The following KIRREL3 variants were observed in gnomAD, a reference collection of about 807,000 sequenced individuals.
KIRREL3 encodes the protein kin of IRRE-like protein 3.
In KIRREL3, 36 loss-of-function variants were observed where a neutral mutation model predicts 89.7. That is an observed-to-expected ratio of 0.40 (90% confidence interval 0.31 to 0.53). The LOEUF (loss-of-function observed/expected upper bound fraction) is 0.53. KIRREL3 is among the 20% of genes least tolerant of loss of function. The pLI is 0.49. For synonymous variants in KIRREL3, 445 were observed against 441.4 expected, an observed-to-expected ratio of 1.01 and a Z score of -0.10; for missense variants, 864 against 1,056.6, an observed-to-expected ratio of 0.82 and a Z score of 2.53.
At chr11:126,745,696 C>G (rs915547769) in intron 1 of KIRREL3, among the ~76,000 whole-genome samples, 9 of 152,174 alleles carry the variant, frequency 5.9e-5, no homozygotes, top group Non-Finnish European at 1.0e-4. Context: ...AGCTTCACCC[C>G]CTTGGTGCTG....
rs368407287 is a variant in KIRREL3 at position 126,708,338 on chromosome 11, A to G, written c.56-145426T>C. ...TGGAATAACAATGTACTCCTCACCA[A>G]GGCATTTAGCCAGAAAAGTGCTCCT... On this transcript the variant is annotated intron_variant, in intron 1 of 16. Coordinates refer to ENST00000525144, the MANE Select transcript of KIRREL3 (RefSeq NM_032531.4). The surrounding 1 kb of genome is among the most constrained non-coding windows in gnomAD (Gnocchi z 5.7). 6.6e-6 allele frequency among the ~76,000 whole-genome samples: 1 copy of G among 152,138 alleles called. No homozygotes were observed. Among genetic ancestry groups the G allele is most frequent in the Admixed American group, 6.5e-5 (1 of 15,282 alleles).
chr11:126,455,784 G>A lies in KIRREL3; in HGVS notation c.848+565C>T, dbSNP rs1394276670. Among the ~76,000 whole-genome samples, 6 of 152,064 alleles carry A rather than the reference G, an allele frequency of 3.9e-5. No homozygotes were observed. The highest frequency in any genetic ancestry group is 2.6e-4 in the Admixed American group (4 of 15,258). ...TGCACTCCAGCCTGGGTGACAGAGC[G>A]AGACTCTGTCTCAAAACAAACAAAG... is the stretch of plus-strand genomic sequence containing the variant. On this transcript the variant is annotated intron_variant, in intron 7 of 16. Transcript: ENST00000525144. The surrounding 1 kb of genome is among the most constrained non-coding windows in gnomAD (Gnocchi z 6.4).
chr11:126,914,005 A>G (rs1215418199), intron 1 of KIRREL3, among the ~76,000 whole-genome samples: 1 of 152,214 alleles, frequency 6.6e-6, no homozygotes, highest in African/African-American at 2.4e-5. Context: ...TTTGTTTCCA[A>G]CTATTTGCAG....
intron 10 of KIRREL3, among the ~76,000 whole-genome samples, chr11:126,442,353 C>CACAAAA (rs1555105027): frequency 3.5e-5 from 4 of 113,598 alleles, no homozygotes; most frequent in African/African-American, 9.4e-5. Flanking sequence ...CACACACACA[C>CACAAAA]AAAACCTTTT....
intron 1 of KIRREL3, among the ~76,000 whole-genome samples, chr11:126,789,401 T>C (rs114658653): frequency 0.023 from 3,516 of 152,146 alleles, 139 homozygotes; most frequent in African/African-American, 0.081. Context: ...CATATTCAAT[T>C]ATCCTTCACT....
At position 126,463,452 on chromosome 11, in the gene KIRREL3, T is replaced by C. The variant is rs1440021886; in HGVS notation, c.592-145A>G. ...CAGCTTAGGAGACCTGGGCTGCCCA[T>C]GTCTACGCAGAGCTCGGGGGTTACC... On this transcript the variant is annotated intron_variant, in intron 5 of 16. Transcript: ENST00000525144. This position sits in a 1 kb window ranked among gnomAD's most constrained non-coding sequence, Gnocchi z 5.9. The C allele has an allele frequency of 5.0e-6, 4 of 802,280 alleles. No homozygotes were observed. Among genetic ancestry groups the C allele is most frequent in the East Asian group, 5.5e-5 (2 of 36,668 alleles). 49.7% of individuals were successfully genotyped at this position (802,280 alleles called of 1,614,324 possible). A position where few individuals can be genotyped will look rare whatever the true frequency, so the allele number is the denominator to read the frequency against.
At chr11:126,633,106 T>A (rs1443585548) in intron 1 of KIRREL3, among the ~76,000 whole-genome samples, 3 of 151,934 alleles carry the variant, frequency 2.0e-5, no homozygotes, top group Non-Finnish European at 4.4e-5. Flanking sequence ...ACTTAAAAAA[T>A]CATTCTCTAT....
upstream of KIRREL3, chr11:127,003,015 C>T (rs1950341132): frequency 6.6e-6 from 1 of 152,334 alleles, no homozygotes; most frequent in Non-Finnish European, 1.5e-5. Context: ...CCCTTACTGG[C>T]TCCAGGCATC....
chr11:126,501,634 C>T lies in KIRREL3; in HGVS notation c.433+19681G>A, dbSNP rs974390118. On this transcript the variant is annotated intron_variant, in intron 4 of 16. Coordinates refer to ENST00000525144, the MANE Select transcript of KIRREL3 (RefSeq NM_032531.4). The surrounding 1 kb of genome is among the most constrained non-coding windows in gnomAD (Gnocchi z 5.8). ...TTATTAGCAGGGAAGGAACACACTG[C>T]CCACTCATCTATGACAAATCAATTA... is the stretch of plus-strand genomic sequence containing the variant. Among the ~76,000 whole-genome samples, 4 of 152,178 alleles carry T rather than the reference C, an allele frequency of 2.6e-5. No homozygotes were observed. Among genetic ancestry groups the T allele is most frequent in the African/African-American group, 9.7e-5 (4 of 41,438 alleles).
intron 11 of KIRREL3, among the ~76,000 whole-genome samples, chr11:126,437,841 G>T (rs1028756531): frequency 6.6e-6 from 1 of 151,748 alleles, no homozygotes; most frequent in African/African-American, 2.4e-5. Context: ...ACACACATTC[G>T]CCATACACAC....
At chr11:126,479,502 A>G (rs549073972) in intron 4 of KIRREL3, among the ~76,000 whole-genome samples, 2 of 152,194 alleles carry the variant, frequency 1.3e-5, no homozygotes, top group Non-Finnish European at 2.9e-5. Flanking sequence ...AGAAAAGCAG[A>G]CTCTTGTGCT....
intron 4 of KIRREL3, among the ~76,000 whole-genome samples, chr11:126,512,533 G>T (rs758186282): frequency 3.3e-4 from 50 of 152,192 alleles, no homozygotes; most frequent in Admixed American, 7.2e-4. Flanking sequence ...CCGTATGAGG[G>T]GTAAGTGGGT....
Position 126,427,875 on chromosome 11 carries a change from T to C in KIRREL3, c.1806+1304A>G, listed in dbSNP as rs1056679782. Among the ~76,000 whole-genome samples, 1 of 152,154 alleles carries C rather than the reference T, an allele frequency of 6.6e-6. No individual in the cohort carries two copies. The highest frequency in any genetic ancestry group is 2.4e-5 in the African/African-American group (1 of 41,414). ...CATCCAGGGGAGCAATGATGAGGCC[T>C]GAAGTAAAGAAGTGATGGTGGAGGA... On this transcript the variant is annotated intron_variant, in intron 15 of 16. Coordinates refer to ENST00000525144, the MANE Select transcript of KIRREL3 (RefSeq NM_032531.4). The surrounding 1 kb of genome is among the most constrained non-coding windows in gnomAD (Gnocchi z 5.3).
At position 126,491,947 on chromosome 11, in the gene KIRREL3, C is replaced by T. The variant is rs1957528432; in HGVS notation, c.434-18481G>A. 6.6e-6 allele frequency among the ~76,000 whole-genome samples: 1 copy of T among 152,146 alleles called. No homozygotes were observed. The highest frequency in any genetic ancestry group is 2.1e-4 in the South Asian group (1 of 4,824). On this transcript the variant is annotated intron_variant, in intron 4 of 16. Transcript: ENST00000525144. This position sits in a 1 kb window ranked among gnomAD's most constrained non-coding sequence, Gnocchi z 5.5. ...GAACTCCAGACCTCAAGTGATCCTC[C>T]CGCATCAGCTTCCCAAAGTGCTAGG...
intron 2 of KIRREL3, among the ~76,000 whole-genome samples, chr11:126,532,370 A>ATATTTATTTATTTATT (rs56217819): frequency 1.4e-4 from 21 of 151,244 alleles, no homozygotes; most frequent in African/African-American, 4.9e-4. Context: ...ATCTATTTTT[A>ATATTTATTTATTTATT]TATTTATTTA....
rs1948537026 is a variant in KIRREL3, at chr11:126,729,724, C to G, written c.56-166812G>C. Among the ~76,000 whole-genome samples, 1 of 152,196 alleles carries G rather than the reference C, an allele frequency of 6.6e-6. No homozygotes were observed. ...CACTCCACTGGACAGGTGAAAAGCTCACAGCTCAGGGTCCCCTGCTATTTT... is the reference window on the plus strand; with the variant it reads ...CACTCCACTGGACAGGTGAAAAGCTGACAGCTCAGGGTCCCCTGCTATTTT... On this transcript the variant is annotated intron_variant, in intron 1 of 16. Transcript: ENST00000525144. This position sits in a 1 kb window ranked among gnomAD's most constrained non-coding sequence, Gnocchi z 4.5.
chr11:126,951,757 A>C (rs956116712), intron 1 of KIRREL3, among the ~76,000 whole-genome samples: 9 of 152,200 alleles, frequency 5.9e-5, no homozygotes, highest in African/African-American at 9.6e-5. Flanking sequence ...GGTAACCAGA[A>C]AGAGAACCAA....
chr11:126,954,568 A>G lies in KIRREL3; in HGVS notation c.55+45887T>C, dbSNP rs1173786526. Among the ~76,000 whole-genome samples, 1 of 151,904 alleles carries G rather than the reference A, an allele frequency of 6.6e-6. No individual in the cohort carries two copies. The highest frequency in any genetic ancestry group is 1.9e-4 in the East Asian group (1 of 5,146). ...AAGCTGGGTAGAACAGATGGCCCAG[A>G]AAGCGCAAACCCACCTTGTCTGTGA... is the stretch of plus-strand genomic sequence containing the variant. On this transcript the variant is annotated intron_variant, in intron 1 of 16. Coordinates refer to ENST00000525144, the MANE Select transcript of KIRREL3 (RefSeq NM_032531.4). This position sits in a 1 kb window ranked among gnomAD's most constrained non-coding sequence, Gnocchi z 4.1.
intron 1 of KIRREL3, among the ~76,000 whole-genome samples, chr11:126,730,535 C>T (rs934996956): frequency 6.6e-6 from 1 of 152,190 alleles, no homozygotes; most frequent in East Asian, 1.9e-4. Flanking sequence ...TTTTGTCTTC[C>T]CCACCTAGGG....
Sources: gnomAD v4.1 joint callset for allele counts (sites outside exome capture counted in the v4.1 genomes callset) on GRCh38, gnomAD v4.1.1 for gene constraint, Gnocchi (gnomAD v3.1) non-coding constraint, MANE v1.5 for transcripts, NCBI Gene and HGNC (gene_info 2026-07-23, HGNC 2026-07-21) for gene names.